The following PRKCB variants were observed in gnomAD, a reference collection of about 807,000 sequenced individuals.
PRKCB encodes the protein protein kinase C beta type.
PRKCB carries 13 observed loss-of-function variants against 81.5 expected under a neutral mutation model. The observed-to-expected ratio is 0.16, with a 90% CI of 0.10 to 0.25. The LOEUF is 0.25. Ranked by LOEUF, PRKCB falls within the 10% of genes least tolerant of loss-of-function variation. The pLI, the probability that PRKCB is intolerant of heterozygous loss-of-function variation, is 1.00. For synonymous variants in PRKCB, 335 were observed against 321.4 expected, an observed-to-expected ratio of 1.04 and a Z score of -0.45; for missense variants, 509 against 875.7, an observed-to-expected ratio of 0.58 and a Z score of 5.29.
chr16:24,166,570 A>C (rs534174904), intron 10 of PRKCB, among the ~76,000 whole-genome samples: 1 of 152,188 alleles, frequency 6.6e-6, no homozygotes, highest in Non-Finnish European at 1.5e-5. Context: ...TAAAGGTGAA[A>C]CCATCATACA....
chr16:24,118,627 C>T (rs1006179177), intron 8 of PRKCB, among the ~76,000 whole-genome samples: 7 of 152,170 alleles, frequency 4.6e-5, no homozygotes, highest in Admixed American at 1.3e-4. Flanking sequence ...ACTGTCCCCT[C>T]GTGCTGTCTG....
chr16:24,196,376 C>T (rs373425773), intron 16 of PRKCB, among the ~76,000 whole-genome samples: 1 of 152,260 alleles, frequency 6.6e-6, no homozygotes, highest in South Asian at 2.1e-4. Flanking sequence ...TAAGTTACTA[C>T]CCTATTTATA....
intron 15 of PRKCB, among the ~76,000 whole-genome samples, chr16:24,189,362 G>A (rs1258394735): frequency 6.6e-6 from 1 of 152,166 alleles, no homozygotes; most frequent in African/African-American, 2.4e-5. Context: ...GTAGCAGCTC[G>A]GCGCGGTGGC....
Position 24,123,846 on chromosome 16 carries a change from C to T in PRKCB, c.930C>T (p.Ile310=), listed in dbSNP as rs201781724. ...ELRQKFERAK[I]SQGTKVPEEK... ...CTTCCTTTTTGCAGAGGGCCAAGAT[C>T]AGTCAGGGAACCAAGGTCCCGGAAG... is the stretch of plus-strand genomic sequence containing the variant. The change falls in exon 9 of 17, where the codon ATC becomes ATT. Residue 310 remains isoleucine (I), a synonymous_variant. Transcript: ENST00000643927. 55 of 1,614,038 alleles carry T rather than the reference C, an allele frequency of 3.4e-5. No individual in the cohort carries two copies. In the East Asian group the frequency reaches 1.2e-3, roughly 35 times the overall value.
chr16:23,989,740 T>C lies in PRKCB; in HGVS notation c.288+1150T>C, dbSNP rs1196557090. On this transcript the variant is annotated intron_variant, in intron 3 of 16. Transcript: ENST00000643927. ...AAATGTGTTTAAAGTTTAGGGTACA[T>C]TGTTGATTGGCCTACCCAGCAGCCA... Among the ~76,000 whole-genome samples, 3 of 152,162 alleles carry C rather than the reference T, an allele frequency of 2.0e-5. No homozygotes were observed. In the East Asian group the frequency reaches 5.8e-4, roughly 29 times the overall value.
intron 10 of PRKCB, among the ~76,000 whole-genome samples, chr16:24,160,190 G>GC (rs987623532): frequency 5.2e-5 from 6 of 115,308 alleles, no homozygotes; most frequent in Non-Finnish European, 7.3e-5. Context: ...CCCTTTGGGT[G>GC]TTTTTTTTTT....
chr16:23,948,600 G>GT (rs35386050), intron 2 of PRKCB, among the ~76,000 whole-genome samples: 53,989 of 151,720 alleles, frequency 0.36, 9,858 homozygotes, highest in South Asian at 0.53. Flanking sequence ...GACTAATAAG[G>GT]TTCACCATGT....
At chr16:23,947,224 C>T (rs1194151617) in intron 2 of PRKCB, among the ~76,000 whole-genome samples, 1 of 152,226 alleles carries the variant, frequency 6.6e-6, no homozygotes, top group Non-Finnish European at 1.5e-5. Context: ...CCTGCAGCTT[C>T]AACTTACTCT....
chr16:23,868,575 G>T (rs1962846397), intron 2 of PRKCB, among the ~76,000 whole-genome samples: 1 of 152,178 alleles, frequency 6.6e-6, no homozygotes, highest in South Asian at 2.1e-4. Context: ...CTTGCTCAAG[G>T]TGATGTAACA....
At chr16:24,020,084 A>G (rs1023600782) in intron 3 of PRKCB, among the ~76,000 whole-genome samples, 7 of 152,222 alleles carry the variant, frequency 4.6e-5, no homozygotes, top group Admixed American at 3.9e-4. Flanking sequence ...TTGCCCCCAC[A>G]GGATGACACC....
chr16:24,125,911 G>A (rs198189), intron 9 of PRKCB, among the ~76,000 whole-genome samples: 2,562 of 152,322 alleles, frequency 0.017, 45 homozygotes, highest in African/African-American at 0.04. Flanking sequence ...TTGGGAATAG[G>A]CAGTTGGCAG....
chr16:23,878,826 G>A (rs1963058754), intron 2 of PRKCB, among the ~76,000 whole-genome samples: 2 of 152,278 alleles, frequency 1.3e-5, no homozygotes, highest in South Asian at 4.1e-4. Flanking sequence ...TTGCAGCCAG[G>A]GAGTGTAGAG....
chr16:23,882,242 G>T lies in PRKCB; in HGVS notation c.205+44836G>T, dbSNP rs117583922. 9.0e-3 allele frequency among the ~76,000 whole-genome samples: 1,365 copies of T among 151,486 alleles called. 7 individuals carry two copies. Among genetic ancestry groups the T allele is most frequent in the Non-Finnish European group, 0.014 (970 of 67,840 alleles). On this transcript the variant is annotated intron_variant, in intron 2 of 16. Coordinates refer to ENST00000643927, the MANE Select transcript of PRKCB (RefSeq NM_002738.7). ...CTTCAGGCACACACTACCATGCCCG[G>T]TTAATTTTTTTCTTGATTTTTAATA...
intron 8 of PRKCB, among the ~76,000 whole-genome samples, chr16:24,117,875 G>A (rs1966752739): frequency 6.6e-6 from 1 of 152,242 alleles, no homozygotes; most frequent in South Asian, 2.1e-4. Flanking sequence ...ACAGGAAGCT[G>A]AGGGGTTATC....
chr16:23,925,619 A>AT (rs1232548685), intron 2 of PRKCB, among the ~76,000 whole-genome samples: 1 of 152,038 alleles, frequency 6.6e-6, no homozygotes, highest in Non-Finnish European at 1.5e-5. Context: ...GACTTCTTAA[A>AT]TTTTTTAAAA....
chr16:24,154,532 G>C, intron 9 of PRKCB, 152 bp from the exon 10 acceptor site: 1 of 692,692 alleles, frequency 1.4e-6, no homozygotes, highest in Non-Finnish European at 2.4e-6. Context: ...AAATATAAAA[G>C]TGTGAAGTCA....
chr16:24,186,109 G>A (rs535766806), intron 15 of PRKCB, among the ~76,000 whole-genome samples: 1 of 152,292 alleles, frequency 6.6e-6, no homozygotes, highest in South Asian at 2.1e-4. Context: ...GGCTAAAAGG[G>A]CATGCACGCT....
At chr16:24,108,235 A>G (rs867979231) in intron 7 of PRKCB, among the ~76,000 whole-genome samples, 2 of 147,436 alleles carry the variant, frequency 1.4e-5, no homozygotes, top group African/African-American at 5.0e-5. Flanking sequence ...AGTAACATGT[A>G]TGGGATTAGG....
chr16:23,836,007 G>T lies in PRKCB; in HGVS notation c.-169G>T, dbSNP rs1962145346. On this transcript the variant is annotated 5_prime_UTR_variant, in exon 1 of 17. Transcript: ENST00000643927. ...TGGACGAGCGGCAGCAGCTGGGCGAGTGACAGCCCCGGCTCCGCGCGCCGC... is the reference window on the plus strand; with the variant it reads ...TGGACGAGCGGCAGCAGCTGGGCGATTGACAGCCCCGGCTCCGCGCGCCGC... The T allele has an allele frequency of 4.0e-6, 1 of 248,602 alleles. No homozygotes were observed. The highest frequency in any genetic ancestry group is 1.5e-4 in the South Asian group (1 of 6,800). The allele number at this position is 248,602 out of a possible 1,614,324, so 15.4% of individuals were successfully genotyped here.
Sources: gnomAD v4.1 joint callset for allele counts (sites outside exome capture counted in the v4.1 genomes callset) on GRCh38, gnomAD v4.1.1 for gene constraint, MANE v1.5 for transcripts, NCBI Gene and HGNC (gene_info 2026-07-23, HGNC 2026-07-21) for gene names.